PLXNA3: variants seen among roughly 807,000 people sequenced by gnomAD.
PLXNA3 encodes the protein plexin A3, also known as plexin-A3.
Under a neutral mutation model 118.8 loss-of-function variants are expected in PLXNA3, and 52 were observed. That is an observed-to-expected ratio of 0.44 (90% CI 0.35 to 0.55). The LOEUF is 0.55. PLXNA3 is among the 20% of genes least tolerant of loss of function. PLXNA3 has a pLI of 0.01. For missense variants in PLXNA3, 1,660 were observed against 1,730.8 expected (o/e 0.96, Z 0.73); for synonymous variants, 925 against 762.4 (o/e 1.21, Z -3.51).
In PLXNA3 at chrX:154,464,439, G is replaced by A; in HGVS notation, c.1866G>A (p.Lys622=). 8.3e-7 allele frequency: 1 copy of A among 1,211,344 alleles called. No homozygotes were observed. ...CTGTGCGGCTGCAGCTTCTCTCCAA[G>A]GAGACAGGCGTGAGGTTTGCCGGTG... is the stretch of plus-strand genomic sequence containing the variant. ...TRTVRLQLLS[K]ETGVRFAGAD... is the part of the protein sequence containing the mutation. Residue 622 remains lysine, a synonymous_variant, in exon 9 of 33, where the codon AAG becomes AAA. Coordinates refer to ENST00000369682, the MANE Select transcript of PLXNA3 (RefSeq NM_017514.5).
chrX:154,468,806 C>T lies in PLXNA3; in HGVS notation c.4288-17C>T, dbSNP rs1040234432. 4 of 1,209,930 alleles carry T rather than the reference C, an allele frequency of 3.3e-6. No individual in the cohort carries two copies. The African/African-American group carries it at 7.0e-5, about 21-fold the overall frequency. ...GGTCAGGCAGGCAGCCAGCTGTGCA[C>T]CTGTCCCTGGCTGCAGGAGTGTGCT... On this transcript the variant is annotated splice_polypyrimidine_tract_variant and intron_variant, in intron 24 of 32. Coordinates refer to ENST00000369682, the MANE Select transcript of PLXNA3 (RefSeq NM_017514.5).
At position 154,465,415 on chromosome X, in the gene PLXNA3, T is replaced by C; in HGVS notation, c.2245-9T>C. 1 of 1,194,667 alleles carries C rather than the reference T, an allele frequency of 8.4e-7. No individual in the cohort carries two copies. The highest frequency in any genetic ancestry group is 1.1e-6 in the Non-Finnish European group (1 of 880,712). On this transcript the variant is annotated splice_polypyrimidine_tract_variant and intron_variant, in intron 11 of 32. Coordinates refer to ENST00000369682, the MANE Select transcript of PLXNA3 (RefSeq NM_017514.5). ...CTTATCTGGGGTCCCATGGGTTCCT[T>C]TCCTCCAGTACTCCTATGAAGGTGA...
chrX:154,466,049 T>G lies in PLXNA3; in HGVS notation c.2647T>G (p.Ser883Ala). ...GCGGGTGGCTGGCGTGCGTTGCAAC[T>G]CCATTCCGGCCGAGTACATCAGTGC... The part of the protein sequence containing the change: ...GLRVAGVRCN[S>A]IPAEYISAER... Residue 883 changes from serine to alanine, a missense_variant, in exon 14 of 33, where the codon TCC (serine) becomes GCC (alanine). By Grantham distance (99) the Ser-to-Ala change is moderately conservative. This residue lies in a region of PLXNA3 where 869 missense variants were observed against 1,078.7 expected (regional missense o/e 0.81). Coordinates refer to ENST00000369682, the MANE Select transcript of PLXNA3 (RefSeq NM_017514.5). The G allele has an allele frequency of 8.3e-7, 1 of 1,209,279 alleles. No homozygotes were observed. Among genetic ancestry groups the G allele is most frequent in the East Asian group, 3.0e-5 (1 of 33,808 alleles).
In PLXNA3 at chrX:154,472,340, C is replaced by G. The variant is rs181329591; in HGVS notation, c.5521-250C>G. 4.5e-5 allele frequency among the ~76,000 whole-genome samples: 5 copies of G among 110,338 alleles called. No individual in the cohort carries two copies. In the East Asian group the frequency reaches 1.4e-3, roughly 31 times the overall value. On this transcript the variant is annotated intron_variant, in intron 32 of 32. Transcript: ENST00000369682. ...AGGTAATGGGAGGGGGAATCCAGCA[C>G]GGCGAGTCCAGAGTCCAGGTCACTC...
Position 154,466,725 on chromosome X carries a change from C to T in PLXNA3, c.3039C>T (p.Pro1013=), listed in dbSNP as rs34401913. 3.4e-3 allele frequency: 4,091 copies of T among 1,195,335 alleles called. 86 individuals are homozygous for T. In the African/African-American group the frequency reaches 0.063, roughly 18 times the overall value. Residue 1013 remains proline, a synonymous_variant, in exon 17 of 33, where the codon CCC becomes CCT. Transcript: ENST00000369682. ...LAIDRANISS[P]GLIYTYTQDP... ...TTGACCGGGCTAACATCTCCAGCCC[C>T]GGGCTCATCTACACCTACACTCAGG...
Position 154,473,168 on chromosome X carries a change from G to A in PLXNA3, c.*483G>A, listed in dbSNP as rs41311390. Reference sequence around the variant, plus strand: ...GCCTCTGGCACCTCACCCTTGCCATGGCTGACCCCACCCATTCCAAGGCGG... The same window carrying A: ...GCCTCTGGCACCTCACCCTTGCCATAGCTGACCCCACCCATTCCAAGGCGG... On this transcript the variant is annotated 3_prime_UTR_variant, in exon 33 of 33. Transcript: ENST00000369682. 1,571 of 113,386 alleles carry A rather than the reference G, an allele frequency of 0.014. 12 individuals carry two copies. Among genetic ancestry groups the A allele is most frequent in the Non-Finnish European group, 0.018 (942 of 53,749 alleles). 9.3% of individuals were successfully genotyped at this position (113,386 alleles called of 1,213,427 possible).
intron 3 of PLXNA3, 60 bp downstream of exon 3, chrX:154,461,698 C>T (rs1054193424): frequency 8.3e-5 from 87 of 1,044,549 alleles, no homozygotes; most frequent in Admixed American, 1.0e-4. Flanking sequence ...CCATGCCCAG[C>T]GTGGGCTCAC....
intron 3 of PLXNA3, 136 bp from the exon 4 acceptor site, chrX:154,461,992 C>G (rs1169594492): frequency 3.8e-6 from 2 of 521,419 alleles, no homozygotes; most frequent in Non-Finnish European, 6.3e-6. Flanking sequence ...CCTGGAGCAC[C>G]CTAGGGCGAG....
In PLXNA3 at chrX:154,464,358, T is replaced by C. The variant is rs782363716; in HGVS notation, c.1829-44T>C. 16 of 1,201,407 alleles carry C rather than the reference T, an allele frequency of 1.3e-5. No homozygotes were observed. In the Admixed American group the frequency reaches 3.3e-4, roughly 25 times the overall value. ...CCAGGATGGGGCAGAGTGGGGCCTC[T>C]CCCTACCCCCAGCGAGTTCACGGCC... On this transcript the variant is annotated intron_variant, in intron 8 of 32. Coordinates refer to ENST00000369682, the MANE Select transcript of PLXNA3 (RefSeq NM_017514.5).
At chrX:154,464,522 C>T (rs1203374405) in intron 9 of PLXNA3, 21 bp downstream of exon 9, 5 of 1,152,270 alleles carry the variant, frequency 4.3e-6, no homozygotes, top group African/African-American at 1.8e-5. Context: ...GGCCAGCACC[C>T]GTCCCTACCC....
At position 154,477,703 on chromosome X, in the gene PLXNA3, C is replaced by G. The variant is rs962134675; in HGVS notation, c.*5018C>G. On this transcript the variant is annotated 3_prime_UTR_variant, in exon 33 of 33. Coordinates refer to ENST00000369682, the MANE Select transcript of PLXNA3 (RefSeq NM_017514.5). Reference sequence around the variant, plus strand: ...CCTTGAATATCTGAATTCTAGAACCCCCCCCCCAGCAACCCAAGCACAACA... The same window carrying G: ...CCTTGAATATCTGAATTCTAGAACCGCCCCCCCAGCAACCCAAGCACAACA... 4.6e-5 allele frequency: 14 copies of G among 303,441 alleles called. No individual in the cohort carries two copies. Among genetic ancestry groups the G allele is most frequent in the Middle Eastern group, 9.7e-4 (1 of 1,030 alleles). The allele number at this position is 303,441 out of a possible 1,213,427, so 25.0% of individuals were successfully genotyped here. A position where few individuals can be genotyped will look rare whatever the true frequency, so the allele number is the denominator to read the frequency against.
At position 154,469,993 on chromosome X, in the gene PLXNA3, G is replaced by T. The variant is rs1557208815; in HGVS notation, c.4812G>T (p.Thr1604=). 1.7e-6 allele frequency: 2 copies of T among 1,211,112 alleles called. No individual in the cohort carries two copies. Among genetic ancestry groups the T allele is most frequent in the Non-Finnish European group, 2.2e-6 (2 of 895,261 alleles). Reference sequence around the variant, plus strand: ...CTGCTCCAGAGAGCTTGCTCCGCACGGCCAGCAGCCCTGATAGCCTCCGCT... The same window carrying T: ...CTGCTCCAGAGAGCTTGCTCCGCACTGCCAGCAGCCCTGATAGCCTCCGCT... ...SLSRYESLLR[T]ASSPDSLRSR... The change falls in exon 29 of 33, where the codon ACG becomes ACT. Residue 1604 remains threonine (T), a synonymous_variant. Transcript: ENST00000369682.
chrX:154,462,718 G>A (rs2068997019), intron 4 of PLXNA3, among the ~76,000 whole-genome samples: 1 of 111,700 alleles, frequency 9.0e-6, no homozygotes, highest in Admixed American at 9.5e-5. Flanking sequence ...CCTCTCCTTG[G>A]CTCACTACTT....
Position 154,463,490 on chromosome X carries a change from C to G in PLXNA3, c.1417C>G (p.Arg473Gly). ...LRDLLFSPDH[R>G]HIYLLSEKQV... ...AGACCTGCTCTTCAGCCCGGACCAC[C>G]GGCACATCTATCTCCTGAGTGAGAA... Residue 473 changes from arginine to glycine, a missense_variant, in exon 5 of 33, where the codon CGG becomes GGG. Around this residue, in one of 2 missense-constraint regions of PLXNA3, gnomAD observed 791 missense variants for 652.1 expected, o/e 1.21. Coordinates refer to ENST00000369682, the MANE Select transcript of PLXNA3 (RefSeq NM_017514.5). 2 of 1,191,567 alleles carry G rather than the reference C, an allele frequency of 1.7e-6. No individual in the cohort carries two copies. The highest frequency in any genetic ancestry group is 2.3e-6 in the Non-Finnish European group (2 of 885,556).
chrX:154,459,118 TTCTC>T (rs2068891006), intron 1 of PLXNA3, among the ~76,000 whole-genome samples: 1 of 110,808 alleles, frequency 9.0e-6, no homozygotes, highest in Admixed American at 9.5e-5. Context: ...TATTTTTCCT[TTCTC>T]TCTCCTGTGC....
At position 154,460,708 on chromosome X, in the gene PLXNA3, G is replaced by C. The variant is rs1361063997; in HGVS notation, c.525G>C (p.Ser175=). The change falls in exon 2 of 33, where the codon TCG becomes TCC. Residue 175 remains serine (S), a synonymous_variant. Transcript: ENST00000369682. The part of the protein sequence containing the change: ...LFVGTAVDGK[S]EYFPTLSSRK... ...TGGGCACTGCTGTCGACGGCAAGTC[G>C]GAGTACTTCCCCACCTTGAGCTCCC... The C allele has an allele frequency of 8.8e-7, 1 of 1,141,813 alleles. No individual in the cohort carries two copies. The highest frequency in any genetic ancestry group is 3.0e-5 in the East Asian group (1 of 33,265). 94.1% of individuals were successfully genotyped at this position (1,141,813 alleles called of 1,213,427 possible). A position where few individuals can be genotyped will look rare whatever the true frequency, so the allele number is the denominator to read the frequency against.
rs1386940132 is a variant in PLXNA3, at chrX:154,466,268, G to A, written c.2797G>A (p.Val933Met). 1.7e-6 allele frequency: 2 copies of A among 1,208,098 alleles called. No individual in the cohort carries two copies. Among genetic ancestry groups the A allele is most frequent in the African/African-American group, 1.7e-5 (1 of 57,421 alleles). ...GCAGTCGGAGCAGGTCTACAGCTTT[G>A]TGGTGCGTGGCTGCCGGCCCTACCC... ...RTQSEQVYSF[V>M]TPTFDQVSPS... Residue 933 changes from valine (V) to methionine (M), a missense_variant and splice_region_variant, in exon 15 of 33, where the codon GTG (valine) becomes ATG (methionine). Transcript: ENST00000369682.
intron 27 of PLXNA3, 92 bp downstream of exon 27, chrX:154,469,574 C>A: frequency 1.1e-6 from 1 of 934,628 alleles, no homozygotes; most frequent in Non-Finnish European, 1.5e-6. Context: ...GTGGCCCTGG[C>A]TCCCCTCGCC....
Position 154,465,033 on chromosome X carries a change from C to T in PLXNA3, c.2059C>T (p.Leu687=), listed in dbSNP as rs781961678. ...TTCCCCGCAGGGCTGCCCTGAGATC[C>T]TGCCCAGTGGGGACCTCCTGATCCC... ...VHSPEGCPEI[L]PSGDLLIPVG... Residue 687 remains leucine, a synonymous_variant, in exon 11 of 33, where the codon CTG becomes TTG. Transcript: ENST00000369682. The T allele has an allele frequency of 6.6e-6, 8 of 1,205,429 alleles. No individual in the cohort carries two copies. In the South Asian group the frequency reaches 1.2e-4, roughly 19 times the overall value.
Sources: allele counts gnomAD v4.1 joint callset (sites outside exome capture counted in the v4.1 genomes callset), GRCh38; gene constraint gnomAD v4.1.1; regional missense constraint gnomAD v4.1.1; transcripts MANE v1.5; gene names NCBI Gene and HGNC (gene_info 2026-07-23, HGNC 2026-07-21).